The following HNF1B variants were observed in gnomAD, a reference collection of about 807,000 sequenced individuals.
The protein encoded by HNF1B is HNF1 homeobox B.
HNF1B carries 8 observed loss-of-function variants against 61.7 expected under a neutral mutation model. That is an observed-to-expected ratio of 0.13 (90% confidence interval 0.08 to 0.23). The LOEUF (loss-of-function observed/expected upper bound fraction) is 0.23. HNF1B is among the 10% of genes least tolerant of loss of function. The pLI, the probability that HNF1B is intolerant of heterozygous loss-of-function variation, is 1.00. For synonymous variants in HNF1B, 314 were observed against 287.7 expected (o/e 1.09, Z -0.93); for missense variants, 562 against 714.5 (o/e 0.79, Z 2.43).
At chr17:37,736,752 C>A (rs1028922147) in intron 2 of HNF1B, among the ~76,000 whole-genome samples, 2 of 152,198 alleles carry the variant, frequency 1.3e-5, no homozygotes, top group Non-Finnish European at 2.9e-5. Context: ...GAGGAGGTAG[C>A]AGGCTGAACA....
At chr17:37,744,261 G>C (rs2034094721) in intron 1 of HNF1B, among the ~76,000 whole-genome samples, 1 of 152,250 alleles carries the variant, frequency 6.6e-6, no homozygotes, top group South Asian at 2.1e-4. Flanking sequence ...GGGCTCCACA[G>C]CTCCAGTTCT....
intron 4 of HNF1B, among the ~76,000 whole-genome samples, chr17:37,716,617 C>T (rs1224508741): frequency 1.3e-5 from 2 of 152,200 alleles, no homozygotes; most frequent in African/African-American, 4.8e-5. Flanking sequence ...CCCTACTGCG[C>T]CTGTGTGTTC....
intron 2 of HNF1B, among the ~76,000 whole-genome samples, chr17:37,735,351 C>T (rs1213580131): frequency 6.6e-6 from 1 of 152,214 alleles, no homozygotes; most frequent in Non-Finnish European, 1.5e-5. Flanking sequence ...GTCTTAGGCT[C>T]ATTTCCATTT....
chr17:37,745,031 G>A lies in HNF1B; in HGVS notation c.-147C>T, dbSNP rs979392837. Reference sequence around the variant, plus strand: ...CCTGTTACTCCCCGGGGTCCCGGAGGCTCCTCCGAAAGGAGTCAGAAAACT... The same window carrying A: ...CCTGTTACTCCCCGGGGTCCCGGAGACTCCTCCGAAAGGAGTCAGAAAACT... On this transcript the variant is annotated 5_prime_UTR_variant, in exon 1 of 9. Coordinates refer to ENST00000617811, the MANE Select transcript of HNF1B (RefSeq NM_000458.4). 7 of 684,246 alleles carry A rather than the reference G, an allele frequency of 1.0e-5. No homozygotes were observed. The highest frequency in any genetic ancestry group is 9.0e-5 in the African/African-American group (5 of 55,322). The allele number at this position is 684,246 out of a possible 1,614,324, so 42.4% of individuals were successfully genotyped here.
intron 4 of HNF1B, among the ~76,000 whole-genome samples, chr17:37,714,058 C>G (rs1378687580): frequency 6.6e-6 from 1 of 152,184 alleles, no homozygotes; most frequent in Non-Finnish European, 1.5e-5. Context: ...CTTGGCTCTA[C>G]CCTGTAAGAC....
chr17:37,726,216 A>G (rs2033492532), intron 4 of HNF1B, among the ~76,000 whole-genome samples: 1 of 152,162 alleles, frequency 6.6e-6, no homozygotes, highest in East Asian at 1.9e-4. Flanking sequence ...TAGCATCTGC[A>G]TAAAGCAAAA....
chr17:37,690,329 G>A (rs1190786721), intron 8 of HNF1B, among the ~76,000 whole-genome samples: 1 of 152,172 alleles, frequency 6.6e-6, no homozygotes, highest in Non-Finnish European at 1.5e-5. Context: ...CGGCGACACT[G>A]GCAGGGGCAT....
At chr17:37,738,927 C>T (rs1340224407) in intron 2 of HNF1B, among the ~76,000 whole-genome samples, 1 of 152,206 alleles carries the variant, frequency 6.6e-6, no homozygotes, top group Non-Finnish European at 1.5e-5. Flanking sequence ...TCAATCCCTC[C>T]CACTATCCTC....
intron 2 of HNF1B, among the ~76,000 whole-genome samples, chr17:37,735,672 T>C (rs2033812139): frequency 1.3e-5 from 2 of 152,232 alleles, no homozygotes; most frequent in South Asian, 2.1e-4. Flanking sequence ...TGAGACTGAC[T>C]GAAAGCTTAG....
chr17:37,737,967 G>A (rs2033883693), intron 2 of HNF1B, among the ~76,000 whole-genome samples: 1 of 152,236 alleles, frequency 6.6e-6, no homozygotes, highest in Admixed American at 6.5e-5. Flanking sequence ...TGTCTTTTGA[G>A]AAGTTTCCAG....
intron 5 of HNF1B, among the ~76,000 whole-genome samples, chr17:37,707,571 T>C (rs1363264184): frequency 6.6e-6 from 1 of 152,186 alleles, no homozygotes; most frequent in African/African-American, 2.4e-5. Context: ...TATATACCTA[T>C]AATCTATAAG....
chr17:37,739,369 T>TG, intron 2 of HNF1B, 71 bp downstream of exon 2: 1 of 1,416,248 alleles, frequency 7.1e-7, no homozygotes, highest in South Asian at 1.2e-5. Context: ...AAAGGGAAAC[T>TG]GAGGCAGCCA....
intron 4 of HNF1B, among the ~76,000 whole-genome samples, chr17:37,715,441 A>G (rs576931295): frequency 6.6e-6 from 1 of 152,340 alleles, no homozygotes; most frequent in African/African-American, 2.4e-5. Context: ...TTCCAATTAT[A>G]TAGACATATT....
At chr17:37,736,921 T>C (rs2033848976) in intron 2 of HNF1B, among the ~76,000 whole-genome samples, 1 of 152,198 alleles carries the variant, frequency 6.6e-6, no homozygotes, top group Non-Finnish European at 1.5e-5. Flanking sequence ...CACCAACAAC[T>C]CTTCTCTACT....
intron 1 of HNF1B, among the ~76,000 whole-genome samples, chr17:37,740,664 C>A (rs2033966782): frequency 1.3e-5 from 2 of 151,962 alleles, no homozygotes; most frequent in African/African-American, 4.8e-5. Flanking sequence ...ACAGCTCCAC[C>A]TTCCAGACAA....
chr17:37,731,448 AG>A (rs1415841888), intron 4 of HNF1B, 146 bp downstream of exon 4: 6 of 739,308 alleles, frequency 8.1e-6, no homozygotes, highest in Non-Finnish European at 1.2e-5. Flanking sequence ...CATTATTTCC[AG>A]GGGAGTATAT....
At chr17:37,729,770 C>T (rs1448556242) in intron 4 of HNF1B, 1 of 152,294 alleles carries the variant, frequency 6.6e-6, no homozygotes, top group East Asian at 1.9e-4. Context: ...TGTTTTGCTA[C>T]CATTGCTCTG....
chr17:37,698,514 C>A (rs1436501834), intron 8 of HNF1B, among the ~76,000 whole-genome samples: 1 of 152,156 alleles, frequency 6.6e-6, no homozygotes, highest in Non-Finnish European at 1.5e-5. Context: ...TGATAAAACC[C>A]CAAGTGGATG....
chr17:37,700,249 G>A (rs1258145206), intron 7 of HNF1B, among the ~76,000 whole-genome samples: 1 of 152,240 alleles, frequency 6.6e-6, no homozygotes, highest in Non-Finnish European at 1.5e-5. Flanking sequence ...GCTATAGCCA[G>A]ACCTGGCCAG....
Sources: allele counts gnomAD v4.1 joint callset (sites outside exome capture counted in the v4.1 genomes callset), GRCh38; gene constraint gnomAD v4.1.1; transcripts MANE v1.5; gene names NCBI Gene and HGNC (gene_info 2026-07-23, HGNC 2026-07-21).